TTC7B: variants seen among roughly 807,000 people sequenced by gnomAD.
TTC7B encodes the protein tetratricopeptide repeat protein 7B.
TTC7B carries 28 observed loss-of-function variants against 106.8 expected under a neutral mutation model. The ratio of observed to expected loss-of-function variants is 0.26; its 90% CI spans 0.19 to 0.36. The LOEUF (loss-of-function observed/expected upper bound fraction) is 0.36. Among genes scored for constraint, TTC7B ranks in the 10% least tolerant of loss-of-function variants. The probability of loss-of-function intolerance (pLI) is 1.00; values close to 1 mark genes in which losing one functional copy is unlikely to be tolerated. For missense variants in TTC7B, 862 were observed against 1,076.4 expected, an observed-to-expected ratio of 0.80 and a Z score of 2.79; for synonymous variants, 405 against 430.6, an observed-to-expected ratio of 0.94 and a Z score of 0.74.
intron 15 of TTC7B, among the ~76,000 whole-genome samples, chr14:90,623,368 T>C (rs1884294072): frequency 6.6e-6 from 1 of 152,178 alleles, no homozygotes; most frequent in South Asian, 2.1e-4. Flanking sequence ...AGAATGGAAA[T>C]GTAAACCCAA....
chr14:90,744,402 C>G (rs551007721), intron 4 of TTC7B, among the ~76,000 whole-genome samples: 282 of 152,228 alleles, frequency 1.9e-3, no homozygotes, highest in Non-Finnish European at 3.1e-3. Flanking sequence ...CAACCTCCAT[C>G]TCCTGGGTTC....
chr14:90,676,455 C>T (rs1369111712), intron 9 of TTC7B, 68 bp downstream of exon 9: 21 of 1,561,300 alleles, frequency 1.3e-5, no homozygotes, highest in South Asian at 8.3e-5. Context: ...GGTCTCACAG[C>T]GCTTCCCTGG....
Position 90,803,966 on chromosome 14 carries a change from C to T in TTC7B, c.121+12209G>A, listed in dbSNP as rs757082887. 2.2e-4 allele frequency among the ~76,000 whole-genome samples: 34 copies of T among 152,238 alleles called. 1 individual carries two copies. The Middle Eastern group carries it at 0.017, about 76-fold the overall frequency. The stretch of plus-strand genomic sequence containing the variant: ...AGGCAGGGGGATGTTATCAGGCCGG[C>T]CCAGAGGGCTTGGAAATGGCCTCTC... On this transcript the variant is annotated intron_variant, in intron 1 of 19. Coordinates refer to ENST00000328459, the MANE Select transcript of TTC7B (RefSeq NM_001010854.2).
At chr14:90,561,471 C>T (rs905627052) in intron 19 of TTC7B, among the ~76,000 whole-genome samples, 2 of 152,340 alleles carry the variant, frequency 1.3e-5, no homozygotes, top group African/African-American at 4.8e-5. Flanking sequence ...AAAGAGGGGA[C>T]GCTTCACATT....
At chr14:90,640,695 T>C (rs1415674831) in intron 15 of TTC7B, among the ~76,000 whole-genome samples, 2 of 152,240 alleles carry the variant, frequency 1.3e-5, no homozygotes, top group African/African-American at 4.8e-5. Context: ...GTAATAGTCA[T>C]AGTAATATGA....
rs1886307545 is a variant in TTC7B, at chr14:90,663,961, C to A, written c.1153-5574G>T. ...GCTGCCTGGATATATAACATGTCCT[C>A]CCCTATGTTTCTGTAAACATGAAGA... On this transcript the variant is annotated intron_variant, in intron 9 of 19. Transcript: ENST00000328459. This position sits in a 1 kb window ranked among gnomAD's most constrained non-coding sequence, Gnocchi z 4.5. Among the ~76,000 whole-genome samples the A allele has an allele frequency of 6.6e-6, 1 of 152,176 alleles. No homozygotes were observed. The highest frequency in any genetic ancestry group is 1.5e-5 in the Non-Finnish European group (1 of 68,034).
chr14:90,701,986 A>C (rs540307777), intron 5 of TTC7B, among the ~76,000 whole-genome samples: 1 of 152,144 alleles, frequency 6.6e-6, no homozygotes, highest in South Asian at 2.1e-4. Context: ...TCCTCAACCT[A>C]ATAATACTTA....
intron 9 of TTC7B, among the ~76,000 whole-genome samples, chr14:90,672,986 T>C (rs73328818): frequency 0.013 from 1,916 of 152,212 alleles, 29 homozygotes; most frequent in African/African-American, 0.044. Flanking sequence ...AACTGATGCA[T>C]AGGAGGTTAA....
chr14:90,771,994 A>C (rs968912961), intron 3 of TTC7B, among the ~76,000 whole-genome samples: 1 of 146,188 alleles, frequency 6.8e-6, no homozygotes, highest in African/African-American at 2.5e-5. Context: ...ATATATTTAT[A>C]ATATATATAT....
Position 90,693,250 on chromosome 14 carries a change from G to A in TTC7B, c.777+2250C>T, listed in dbSNP as rs115507609. 2.6e-3 allele frequency among the ~76,000 whole-genome samples: 390 copies of A among 152,044 alleles called. 1 individual carries two copies. Among genetic ancestry groups the A allele is most frequent in the African/African-American group, 8.9e-3 (370 of 41,472 alleles). ...CAGTCCTCCACTCAAGCACCCACTG[G>A]CTATGGCTGTGTAGGGCAAGTTATA... On this transcript the variant is annotated intron_variant, in intron 6 of 19. Transcript: ENST00000328459.
Position 90,577,978 on chromosome 14 carries a change from C to A in TTC7B, c.2310+128G>T. 1 of 1,186,570 alleles carries A rather than the reference C, an allele frequency of 8.4e-7. No individual in the cohort carries two copies. The highest frequency in any genetic ancestry group is 1.2e-6 in the Non-Finnish European group (1 of 846,272). 73.5% of individuals were successfully genotyped at this position (1,186,570 alleles called of 1,614,324 possible). On this transcript the variant is annotated intron_variant, in intron 19 of 19. Transcript: ENST00000328459. The surrounding 1 kb of genome is among the most constrained non-coding windows in gnomAD (Gnocchi z 5.0). ...TGCCCTCTGGCTTCAGGCCATGTGA[C>A]AGCCTGGCAAGCTAACTGCATGGGG...
At position 90,577,522 on chromosome 14, in the gene TTC7B, C is replaced by T. The variant is rs1373096103; in HGVS notation, c.2310+584G>A. Among the ~76,000 whole-genome samples, 1 of 152,166 alleles carries T rather than the reference C, an allele frequency of 6.6e-6. No homozygotes were observed. Among genetic ancestry groups the T allele is most frequent in the South Asian group, 2.1e-4 (1 of 4,834 alleles). On this transcript the variant is annotated intron_variant, in intron 19 of 19. Coordinates refer to ENST00000328459, the MANE Select transcript of TTC7B (RefSeq NM_001010854.2). The surrounding 1 kb of genome is among the most constrained non-coding windows in gnomAD (Gnocchi z 5.0). ...AGACGAAGGATGTGCACTCGTTGAG[C>T]GCCGCCACACCCCTGTGCAGTGTGG...
At chr14:90,758,123 C>G (rs1292625491) in intron 3 of TTC7B, among the ~76,000 whole-genome samples, 2 of 151,690 alleles carry the variant, frequency 1.3e-5, no homozygotes, top group Non-Finnish European at 2.9e-5. Flanking sequence ...CTCACTAATG[C>G]GAGGTTAATC....
chr14:90,766,895 G>A, intron 3 of TTC7B: 1 of 1,580,754 alleles, frequency 6.3e-7, no homozygotes, highest in Non-Finnish European at 8.7e-7. Flanking sequence ...GCCCATAGAG[G>A]GCTGTGCCAC....
In TTC7B at chr14:90,759,345, TG is replaced by T. The variant is rs1381490642; in HGVS notation, c.446-14424del. Among the ~76,000 whole-genome samples, 19 of 152,236 alleles carry T rather than the reference TG, an allele frequency of 1.2e-4. No individual in the cohort carries two copies. Among genetic ancestry groups the T allele is most frequent in the Non-Finnish European group, 2.4e-4 (16 of 68,036 alleles). ...TTTGGAAACGATGGAAGCCAAGGGA[TG>T]GGTGGTGACGGAACAAGCACCGTAC... is the stretch of plus-strand genomic sequence containing the variant. On this transcript the variant is annotated intron_variant, in intron 3 of 19. Transcript: ENST00000328459. The surrounding 1 kb of genome is among the most constrained non-coding windows in gnomAD (Gnocchi z 4.1).
At chr14:90,615,881 G>A (rs1479728019) in intron 16 of TTC7B, among the ~76,000 whole-genome samples, 1 of 152,082 alleles carries the variant, frequency 6.6e-6, no homozygotes, top group Non-Finnish European at 1.5e-5. Flanking sequence ...TGACCACTGG[G>A]GCCTCTACCG....
intron 4 of TTC7B, among the ~76,000 whole-genome samples, chr14:90,733,385 GC>G (rs1266864870): frequency 6.6e-6 from 1 of 152,190 alleles, no homozygotes; most frequent in Non-Finnish European, 1.5e-5. Context: ...ATCTGTGTCT[GC>G]TTGCAGAGCA....
chr14:90,692,320 T>TCCA (rs1566838979), intron 6 of TTC7B, among the ~76,000 whole-genome samples: 71 of 152,352 alleles, frequency 4.7e-4, no homozygotes, highest in African/African-American at 1.6e-3. Context: ...ATTTGGAGTA[T>TCCA]ATACCTAAGA....
intron 15 of TTC7B, among the ~76,000 whole-genome samples, chr14:90,621,555 C>G (rs959717721): frequency 6.6e-6 from 1 of 152,068 alleles, no homozygotes; most frequent in Non-Finnish European, 1.5e-5. Context: ...ACGGCTGGGA[C>G]AAGTGGCAGA....
Sources: gnomAD v4.1 joint callset for allele counts (sites outside exome capture counted in the v4.1 genomes callset) on GRCh38, gnomAD v4.1.1 for gene constraint, Gnocchi (gnomAD v3.1) non-coding constraint, MANE v1.5 for transcripts, NCBI Gene and HGNC (gene_info 2026-07-23, HGNC 2026-07-21) for gene names.